Variants in OPCML observed in about 807,000 individuals in gnomAD.
OPCML encodes opioid-binding protein/cell adhesion molecule.
A neutral mutation model predicts 37.8 loss-of-function variants in OPCML; 13 were observed. That is an observed-to-expected ratio of 0.34 (90% CI 0.22 to 0.55). The LOEUF is 0.55. Ranked by LOEUF, OPCML falls within the 20% of genes least tolerant of loss-of-function variation. OPCML has a pLI of 0.91. For synonymous variants in OPCML, 176 were observed against 168.8 expected (o/e 1.04, Z -0.33); for missense variants, 341 against 435.6 (o/e 0.78, Z 1.93).
At chr11:132,891,377 G>A (rs916485097) in intron 2 of OPCML, among the ~76,000 whole-genome samples, 1 of 151,980 alleles carries the variant, frequency 6.6e-6, no homozygotes, top group Admixed American at 6.6e-5. Flanking sequence ...AACCTTTCTT[G>A]CCCAGGACTC....
chr11:132,761,592 TCG>T (rs1392536629), intron 2 of OPCML, among the ~76,000 whole-genome samples: 1 of 152,106 alleles, frequency 6.6e-6, no homozygotes, highest in Non-Finnish European at 1.5e-5. Context: ...TTCTGCTTGA[TCG>T]ATTCAGCTAT....
At chr11:132,529,748 C>T (rs1264906570) in intron 3 of OPCML, among the ~76,000 whole-genome samples, 1 of 152,186 alleles carries the variant, frequency 6.6e-6, no homozygotes, top group Non-Finnish European at 1.5e-5. Flanking sequence ...CCCAATCATC[C>T]CTTAAGACAC....
intron 1 of OPCML, among the ~76,000 whole-genome samples, chr11:133,207,065 A>G (rs1290721324): frequency 4.0e-5 from 6 of 148,686 alleles, no homozygotes; most frequent in Admixed American, 6.7e-5. Flanking sequence ...AGGCGGGCGG[A>G]TCTCGAGGTC....
chr11:132,937,212 C>G (rs11607532), intron 2 of OPCML, among the ~76,000 whole-genome samples: 1 of 151,966 alleles, frequency 6.6e-6, no homozygotes, highest in Non-Finnish European at 1.5e-5. Context: ...CGGACCGGCT[C>G]CCCAGCTCCC....
intron 1 of OPCML, among the ~76,000 whole-genome samples, chr11:133,404,145 G>C (rs1317198253): frequency 6.6e-6 from 1 of 152,124 alleles, no homozygotes; most frequent in African/African-American, 2.4e-5. Flanking sequence ...GTCTTCACAC[G>C]ACGCCCTCCC....
chr11:133,331,285 G>C (rs191788749), intron 1 of OPCML, among the ~76,000 whole-genome samples: 32 of 152,278 alleles, frequency 2.1e-4, no homozygotes, highest in Admixed American at 6.5e-4. Context: ...TGTGGGCTGT[G>C]ACTTGACCCA....
intron 1 of OPCML, among the ~76,000 whole-genome samples, chr11:133,233,200 G>A (rs949047546): frequency 2.6e-5 from 4 of 152,170 alleles, no homozygotes; most frequent in African/African-American, 7.2e-5. Context: ...TCCAGACTGG[G>A]GAGAAGATGC....
intron 1 of OPCML, among the ~76,000 whole-genome samples, chr11:133,044,483 A>G (rs1020071013): frequency 2.6e-5 from 4 of 152,192 alleles, no homozygotes; most frequent in African/African-American, 9.7e-5. Context: ...GGACTGAGTC[A>G]CACCAGTCTT....
intron 1 of OPCML, among the ~76,000 whole-genome samples, chr11:133,221,305 G>T (rs900434530): frequency 2.0e-5 from 3 of 152,080 alleles, no homozygotes; most frequent in African/African-American, 7.2e-5. Context: ...GGAAAGCTGG[G>T]TCCCCTCAGT....
intron 1 of OPCML, among the ~76,000 whole-genome samples, chr11:133,269,837 C>T (rs1285916708): frequency 6.6e-6 from 1 of 152,070 alleles, no homozygotes; most frequent in Admixed American, 6.5e-5. Context: ...GAGTATTGTG[C>T]AAAGGTTTGG....
intron 4 of OPCML, among the ~76,000 whole-genome samples, chr11:132,467,978 T>G (rs148499135): frequency 9.8e-5 from 15 of 152,330 alleles, no homozygotes; most frequent in African/African-American, 3.6e-4. Context: ...GACATCCCTC[T>G]AGCTTCTGAT....
At chr11:132,826,058 T>C (rs1940311041) in intron 2 of OPCML, among the ~76,000 whole-genome samples, 1 of 152,236 alleles carries the variant, frequency 6.6e-6, no homozygotes, top group African/African-American at 2.4e-5. Context: ...ACGTGGCTAC[T>C]GTTGGCATGT....
chr11:133,163,585 A>T (rs1950171850), intron 1 of OPCML, among the ~76,000 whole-genome samples: 1 of 152,204 alleles, frequency 6.6e-6, no homozygotes, highest in African/African-American at 2.4e-5. Context: ...TGACAATCTC[A>T]GTATATGGTG....
chr11:133,082,129 C>T (rs1366520713), intron 1 of OPCML, among the ~76,000 whole-genome samples: 1 of 151,922 alleles, frequency 6.6e-6, no homozygotes, highest in East Asian at 2.0e-4. Context: ...GCTCAGGGAC[C>T]CCTCCCCAGG....
chr11:132,804,398 C>G (rs1016204479), intron 2 of OPCML, among the ~76,000 whole-genome samples: 1 of 152,178 alleles, frequency 6.6e-6, no homozygotes, highest in Non-Finnish European at 1.5e-5. Context: ...AAGGAAGCCT[C>G]ACAAGATGCT....
At chr11:133,213,996 G>A (rs1201419834) in intron 1 of OPCML, among the ~76,000 whole-genome samples, 2 of 152,064 alleles carry the variant, frequency 1.3e-5, no homozygotes, top group Admixed American at 6.6e-5. Context: ...GATGAAAATG[G>A]TTAAATGTTT....
At chr11:132,693,014 T>C (rs1044637987) in intron 2 of OPCML, among the ~76,000 whole-genome samples, 1 of 152,222 alleles carries the variant, frequency 6.6e-6, no homozygotes, top group African/African-American at 2.4e-5. Context: ...ATAGAAAATG[T>C]GTGACTTACA....
At chr11:133,513,417 C>A (rs182859782) in intron 1 of OPCML, among the ~76,000 whole-genome samples, 1 of 152,196 alleles carries the variant, frequency 6.6e-6, no homozygotes. Context: ...TGCTTTACCC[C>A]CTGTCTCCTG....
At chr11:132,994,222 C>T (rs915001159) in intron 1 of OPCML, among the ~76,000 whole-genome samples, 1 of 152,218 alleles carries the variant, frequency 6.6e-6, no homozygotes, top group African/African-American at 2.4e-5. Context: ...CTGGTGCGCT[C>T]CTGCCAGGAG....
Sources: gnomAD v4.1 joint callset for allele counts (sites outside exome capture counted in the v4.1 genomes callset) on GRCh38, gnomAD v4.1.1 for gene constraint, MANE v1.5 for transcripts, NCBI Gene and HGNC (gene_info 2026-07-23, HGNC 2026-07-21) for gene names.